The following GANC variants were observed in gnomAD, a reference collection of about 807,000 sequenced individuals.
The protein encoded by GANC is glucosidase alpha, neutral C, also known as neutral alpha-glucosidase C.
In GANC, 117 loss-of-function variants were observed where a neutral mutation model predicts 124.2. The observed-to-expected ratio is 0.94, with a 90% CI of 0.81 to 1.10. The LOEUF (loss-of-function observed/expected upper bound fraction) is 1.10. Among genes scored for constraint, GANC ranks in the 50% least tolerant of loss-of-function variants. The pLI, the probability that GANC is intolerant of heterozygous loss-of-function variation, is 0.00. For synonymous variants in GANC, 377 were observed against 376.8 expected (o/e 1.00, Z -0.01); for missense variants, 1,140 against 1,095.0 (o/e 1.04, Z -0.58).
chr15:42,352,861 G>GTA lies in GANC; in HGVS notation c.*723_*724dup. ...TAATAACAATGAAATAAATACCCAT[G>GTA]TACCCACCACTGGACTTCAGAAGTA... On this transcript the variant is annotated 3_prime_UTR_variant, in exon 24 of 24. Transcript: ENST00000318010. The GTA allele has an allele frequency of 1.9e-6, 1 of 523,746 alleles. No individual in the cohort carries two copies. Among genetic ancestry groups the GTA allele is most frequent in the Non-Finnish European group, 2.4e-6 (1 of 408,244 alleles). 32.4% of individuals were successfully genotyped at this position (523,746 alleles called of 1,614,324 possible). A position where few individuals can be genotyped will look rare whatever the true frequency, so the allele number is the denominator to read the frequency against.
intron 15 of GANC, among the ~76,000 whole-genome samples, chr15:42,336,301 C>T (rs1301736139): frequency 6.6e-6 from 1 of 152,112 alleles, no homozygotes; most frequent in African/African-American, 2.4e-5. Context: ...ACCAATGGAA[C>T]AGAATAGAGG....
At chr15:42,351,529 G>A in intron 23 of GANC, 97 bp downstream of exon 23, 5 of 835,224 alleles carry the variant, frequency 6.0e-6, no homozygotes, top group East Asian at 5.0e-5. Context: ...AATATGCTGA[G>A]CCTGAGTGTG....
chr15:42,287,839 T>C (rs1179064044), intron 4 of GANC, 21 bp downstream of exon 4: 2 of 1,595,646 alleles, frequency 1.3e-6, no homozygotes, highest in South Asian at 2.3e-5. Context: ...GAGCGAGGTA[T>C]TTTAGAGACA....
chr15:42,317,309 C>T (rs1019020141), intron 10 of GANC, among the ~76,000 whole-genome samples: 2 of 137,592 alleles, frequency 1.5e-5, no homozygotes, highest in East Asian at 2.1e-4. Flanking sequence ...AAATAAGACA[C>T]GAAAGGACAA....
chr15:42,290,831 A>T (rs1002136486), intron 4 of GANC, among the ~76,000 whole-genome samples: 30 of 152,242 alleles, frequency 2.0e-4, no homozygotes, highest in Non-Finnish European at 3.2e-4. Flanking sequence ...AATTTTTTTT[A>T]AAAATTGAAT....
intron 10 of GANC, among the ~76,000 whole-genome samples, chr15:42,315,305 A>G (rs1266692922): frequency 6.6e-6 from 1 of 152,242 alleles, no homozygotes; most frequent in Non-Finnish European, 1.5e-5. Context: ...ACAAAAAGAT[A>G]AACAACCCAA....
chr15:42,352,264 G>A lies in GANC; in HGVS notation c.*125G>A, dbSNP rs1236432766. The A allele has an allele frequency of 1.7e-5, 26 of 1,489,150 alleles. No homozygotes were observed. The highest frequency in any genetic ancestry group is 2.5e-5 in the East Asian group (1 of 40,696). The allele number at this position is 1,489,150 out of a possible 1,614,324, so 92.2% of individuals were successfully genotyped here. ...CCTGAATCAAAATAATCTTTCATTC[G>A]TCACCATTATACTAATGAACAATAG... On this transcript the variant is annotated 3_prime_UTR_variant, in exon 24 of 24. Transcript: ENST00000318010.
At chr15:42,329,875 CACAG>C (rs1370450050) in intron 14 of GANC, among the ~76,000 whole-genome samples, 12 of 152,190 alleles carry the variant, frequency 7.9e-5, no homozygotes, top group Admixed American at 5.9e-4. Flanking sequence ...ATATTTAGAA[CACAG>C]ACACACAGCT....
intron 16 of GANC, 122 bp downstream of exon 16, chr15:42,338,612 A>G: frequency 1.4e-6 from 1 of 719,894 alleles, no homozygotes; most frequent in Non-Finnish European, 2.4e-6. Flanking sequence ...TGGGAAAGAA[A>G]AAATGTGAGA....
intron 13 of GANC, 56 bp from the exon 14 acceptor site, chr15:42,329,250 G>C: frequency 6.6e-7 from 1 of 1,524,632 alleles, no homozygotes; most frequent in South Asian, 1.2e-5. Context: ...AATGGTGACA[G>C]CTATTATATA....
At chr15:42,349,958 A>T (rs982298476) in intron 22 of GANC, among the ~76,000 whole-genome samples, 1 of 142,346 alleles carries the variant, frequency 7.0e-6, no homozygotes, top group Admixed American at 7.1e-5. Flanking sequence ...GCATTTCTGG[A>T]GTATTTTTCA....
chr15:42,275,170 G>A (rs985855887), intron 1 of GANC, among the ~76,000 whole-genome samples: 6 of 152,104 alleles, frequency 3.9e-5, no homozygotes, highest in African/African-American at 1.4e-4. Flanking sequence ...GAACCCAGGA[G>A]TTCAGACCAG....
Position 42,316,629 on chromosome 15 carries a change from C to G in GANC, c.1058-5156C>G, listed in dbSNP as rs568835786. On this transcript the variant is annotated intron_variant, in intron 10 of 23. Transcript: ENST00000318010. ...ACATGAAAGTGGACAAGGAACGTGA[C>G]CATTGAAGCACAGCACTACAGGGAG... Among the ~76,000 whole-genome samples, 11 of 152,296 alleles carry G rather than the reference C, an allele frequency of 7.2e-5. No homozygotes were observed. The South Asian group carries it at 1.7e-3, about 23-fold the overall frequency.
chr15:42,348,051 T>C, intron 20 of GANC, 52 bp from the exon 21 acceptor site: 1 of 1,026,378 alleles, frequency 9.7e-7, no homozygotes, highest in Non-Finnish European at 1.4e-6. Flanking sequence ...AATTCTACCT[T>C]GAAATTTTCT....
chr15:42,329,248 C>T, intron 13 of GANC, 58 bp from the exon 14 acceptor site: 1 of 1,512,598 alleles, frequency 6.6e-7, no homozygotes, highest in Non-Finnish European at 8.9e-7. Flanking sequence ...GCAATGGTGA[C>T]AGCTATTATA....
Position 42,343,131 on chromosome 15 carries a change from G to T in GANC, c.2206G>T (p.Val736Leu), listed in dbSNP as rs2052339373. ...AGAACCAAAAGCCACCACAGTTGAT[G>T]TGTTTCTTCCAGGATCAAATGAGGT... ...VTEPKATTVD[V>L]FLPGSNEVWY... is the part of the protein sequence containing the mutation. Residue 736 changes from valine (V) to leucine (L), a missense_variant, in exon 19 of 24, where the codon GTG becomes TTG. Transcript: ENST00000318010. The T allele has an allele frequency of 6.2e-7, 1 of 1,613,958 alleles. No individual in the cohort carries two copies. Among genetic ancestry groups the T allele is most frequent in the Admixed American group, 1.7e-5 (1 of 60,002 alleles).
intron 22 of GANC, among the ~76,000 whole-genome samples, chr15:42,349,815 A>G (rs2141086004): frequency 6.6e-6 from 1 of 151,268 alleles, no homozygotes. Context: ...TACCCGGCTA[A>G]TTTTTGTATT....
chr15:42,351,652 T>C (rs985504443), intron 23 of GANC, among the ~76,000 whole-genome samples: 4 of 152,224 alleles, frequency 2.6e-5, no homozygotes, highest in African/African-American at 9.6e-5. Context: ...AGGAAACTTA[T>C]TTGGGGCTTG....
chr15:42,335,121 G>A (rs2052274351), intron 15 of GANC, among the ~76,000 whole-genome samples: 1 of 152,058 alleles, frequency 6.6e-6, no homozygotes, highest in Non-Finnish European at 1.5e-5. Context: ...ATTCTATAAT[G>A]CCAGCATCAT....
Sources: gnomAD v4.1 joint callset for allele counts (sites outside exome capture counted in the v4.1 genomes callset) on GRCh38, gnomAD v4.1.1 for gene constraint, MANE v1.5 for transcripts, NCBI Gene and HGNC (gene_info 2026-07-23, HGNC 2026-07-21) for gene names.